The following NTRK2 variants were observed in gnomAD, a reference collection of about 807,000 sequenced individuals.
The protein encoded by NTRK2 is neurotrophic receptor tyrosine kinase 2, also known as BDNF/NT-3 growth factors receptor.
Under a neutral mutation model 94.5 loss-of-function variants are expected in NTRK2, and 13 were observed. The observed-to-expected ratio is 0.14, with a 90% CI of 0.09 to 0.22. The LOEUF is 0.22. Ranked by LOEUF, NTRK2 falls within the 10% of genes least tolerant of loss-of-function variation. The pLI, the probability that NTRK2 is intolerant of heterozygous loss-of-function variation, is 1.00. For missense variants in NTRK2, 639 were observed against 1,071.2 expected (o/e 0.60, Z 5.63); for synonymous variants, 372 against 407.4 (o/e 0.91, Z 1.05).
At chr9:84,805,435 C>T (rs1293679581) in intron 12 of NTRK2, among the ~76,000 whole-genome samples, 1 of 152,124 alleles carries the variant, frequency 6.6e-6, no homozygotes, top group Non-Finnish European at 1.5e-5. Flanking sequence ...TAAAATGCTC[C>T]AGGAAGTACT....
intron 12 of NTRK2, among the ~76,000 whole-genome samples, chr9:84,790,664 TTTTGGTACAGGGAGA>T (rs1232810715): frequency 6.6e-6 from 1 of 152,130 alleles, no homozygotes; most frequent in African/African-American, 2.4e-5. Context: ...ATATGCTCAG[TTTTGGTACAGGGAGA>T]TATGGTTTTA....
intron 17 of NTRK2, among the ~76,000 whole-genome samples, chr9:84,959,942 G>A (rs1183913844): frequency 6.6e-6 from 1 of 152,182 alleles, no homozygotes; most frequent in Non-Finnish European, 1.5e-5. Context: ...ATCTGTTGAT[G>A]AGTGGAGGGC....
Position 84,956,097 on chromosome 9 carries a change from G to A in NTRK2, c.2172+580G>A, listed in dbSNP as rs143563419. Among the ~76,000 whole-genome samples the A allele has an allele frequency of 2.2e-3, 332 of 152,326 alleles. 1 individual carries two copies. The highest frequency in any genetic ancestry group is 7.6e-3 in the African/African-American group (314 of 41,572). ...TGAGGTTAAAGGATGCTGAGGTTTGGCTTTGATTCTGTGAAAGTATGCCTG... is the reference window on the plus strand; with the variant it reads ...TGAGGTTAAAGGATGCTGAGGTTTGACTTTGATTCTGTGAAAGTATGCCTG... On this transcript the variant is annotated intron_variant, in intron 17 of 18. Transcript: ENST00000277120.
rs146064798 is a variant in NTRK2 at position 84,720,222 on chromosome 9, C to A, written c.584-3351C>A. ...TAGAGTGTGAGAGTACAGGGAACAC[C>A]AAACACTGTATTGGTTGAAAGTCGG... On this transcript the variant is annotated intron_variant, in intron 6 of 18. Transcript: ENST00000277120. Among the ~76,000 whole-genome samples the A allele has an allele frequency of 2.2e-3, 333 of 152,100 alleles. 2 individuals are homozygous for A. Among genetic ancestry groups the A allele is most frequent in the African/African-American group, 7.2e-3 (298 of 41,472 alleles).
At chr9:84,779,968 A>G (rs1459872424) in intron 12 of NTRK2, among the ~76,000 whole-genome samples, 2 of 152,148 alleles carry the variant, frequency 1.3e-5, no homozygotes, top group African/African-American at 4.8e-5. Context: ...AACCCACACC[A>G]CTAGTGGGTC....
At chr9:84,747,383 T>G (rs563799869) in intron 11 of NTRK2, among the ~76,000 whole-genome samples, 2 of 152,190 alleles carry the variant, frequency 1.3e-5, no homozygotes, top group Non-Finnish European at 2.9e-5. Flanking sequence ...TATTTCTTGG[T>G]GTAAGAAAGT....
chr9:84,829,041 C>G (rs964610919), intron 12 of NTRK2, among the ~76,000 whole-genome samples: 7 of 151,914 alleles, frequency 4.6e-5, no homozygotes, highest in Non-Finnish European at 1.0e-4. Flanking sequence ...TCTTGTCACC[C>G]AGGCTGGAGT....
At position 84,670,426 on chromosome 9, in the gene NTRK2, C is replaced by G. The variant is rs1056868439; in HGVS notation, c.-323C>G. 2.4e-5 allele frequency: 11 copies of G among 454,040 alleles called. No homozygotes were observed. The highest frequency in any genetic ancestry group is 1.6e-4 in the African/African-American group (8 of 50,524). The allele number at this position is 454,040 out of a possible 1,614,324, so 28.1% of individuals were successfully genotyped here. On this transcript the variant is annotated 5_prime_UTR_variant, in exon 2 of 19. Transcript: ENST00000277120. ...ATTCGCATCTAACAAGGAATCTGCG[C>G]CCCAGAGAGTCCCGGGAGCGCCGCC... is the stretch of plus-strand genomic sequence containing the variant.
chr9:84,726,531 A>G (rs541082176), intron 8 of NTRK2, among the ~76,000 whole-genome samples: 1 of 152,272 alleles, frequency 6.6e-6, no homozygotes, highest in African/African-American at 2.4e-5. Flanking sequence ...CAAGATAACC[A>G]GTGCAGAGAC....
intron 17 of NTRK2, among the ~76,000 whole-genome samples, chr9:85,004,858 A>G (rs1362984242): frequency 2.0e-5 from 3 of 152,198 alleles, no homozygotes; most frequent in Non-Finnish European, 4.4e-5. Flanking sequence ...TAGGAAAAAC[A>G]AGGTAATTTG....
At chr9:84,765,672 G>T (rs568188134) in intron 12 of NTRK2, among the ~76,000 whole-genome samples, 1 of 152,090 alleles carries the variant, frequency 6.6e-6, no homozygotes, top group Non-Finnish European at 1.5e-5. Context: ...CTGCTTGAGC[G>T]TGTCATACGT....
intron 17 of NTRK2, among the ~76,000 whole-genome samples, chr9:84,979,211 C>T (rs1827276518): frequency 6.6e-6 from 1 of 152,194 alleles, no homozygotes; most frequent in Non-Finnish European, 1.5e-5. Flanking sequence ...TGGGCAAAGT[C>T]AATGGAGAAC....
At chr9:84,958,916 G>A (rs1342340875) in intron 17 of NTRK2, among the ~76,000 whole-genome samples, 1 of 152,092 alleles carries the variant, frequency 6.6e-6, no homozygotes, top group South Asian at 2.1e-4. Context: ...AGAAGCTGTT[G>A]ATCTGTTTTA....
chr9:84,868,992 C>G (rs1234764942), intron 14 of NTRK2, among the ~76,000 whole-genome samples: 1 of 152,120 alleles, frequency 6.6e-6, no homozygotes, highest in African/African-American at 2.4e-5. Flanking sequence ...AAAGATAAAG[C>G]TGCATAATTA....
chr9:84,908,666 G>A (rs76563526), intron 14 of NTRK2, among the ~76,000 whole-genome samples: 3 of 152,160 alleles, frequency 2.0e-5, no homozygotes, highest in African/African-American at 4.8e-5. Flanking sequence ...GCACAGTGGG[G>A]TATTTATGGA....
chr9:84,690,248 T>C (rs1490454876), intron 2 of NTRK2, among the ~76,000 whole-genome samples: 2 of 152,204 alleles, frequency 1.3e-5, no homozygotes, highest in African/African-American at 4.8e-5. Flanking sequence ...ACTGGAATCA[T>C]TCTCCTCTCT....
At chr9:84,912,832 G>A (rs188961421) in intron 14 of NTRK2, among the ~76,000 whole-genome samples, 169 of 151,970 alleles carry the variant, frequency 1.1e-3, no homozygotes, top group Admixed American at 4.2e-3. Flanking sequence ...TAGCCAGGAT[G>A]GTCTCGATCT....
chr9:84,929,531 C>T (rs2077946791), intron 14 of NTRK2, among the ~76,000 whole-genome samples: 1 of 149,780 alleles, frequency 6.7e-6, no homozygotes, highest in East Asian at 1.9e-4. Context: ...TCCTTCAAAT[C>T]TAGGAAGTCA....
intron 14 of NTRK2, among the ~76,000 whole-genome samples, chr9:84,917,209 A>C (rs2077420308): frequency 6.6e-6 from 1 of 152,216 alleles, no homozygotes; most frequent in Non-Finnish European, 1.5e-5. Flanking sequence ...ACCATCATAC[A>C]TTATGTAAGT....
Sources: gnomAD v4.1 joint callset for allele counts (sites outside exome capture counted in the v4.1 genomes callset) on GRCh38, gnomAD v4.1.1 for gene constraint, MANE v1.5 for transcripts, NCBI Gene and HGNC (gene_info 2026-07-23, HGNC 2026-07-21) for gene names.